LHPP: variants seen among roughly 807,000 people sequenced by gnomAD.
The protein encoded by LHPP is phospholysine phosphohistidine inorganic pyrophosphate phosphatase, also known as hLHPP.
Under a neutral mutation model 30.3 loss-of-function variants are expected in LHPP, and 24 were observed. The observed-to-expected ratio is 0.79, with a 90% confidence interval of 0.57 to 1.11. The LOEUF (loss-of-function observed/expected upper bound fraction) is 1.11, where lower values mean the gene tolerates loss of function less well. Among genes scored for constraint, LHPP ranks in the 50% most tolerant of loss-of-function variants. The pLI is 0.00. For synonymous variants in LHPP, 150 were observed against 157.1 expected, an observed-to-expected ratio of 0.95 and a Z score of 0.34; for missense variants, 356 against 367.2, an observed-to-expected ratio of 0.97 and a Z score of 0.25.
At chr10:124,561,642 C>A (rs913808095) in intron 6 of LHPP, among the ~76,000 whole-genome samples, 1 of 151,718 alleles carries the variant, frequency 6.6e-6, no homozygotes, top group Non-Finnish European at 1.5e-5. Flanking sequence ...GAGCACCTCC[C>A]CCACCTCAGT....
At chr10:124,468,903 A>T (rs988693982) in intron 1 of LHPP, among the ~76,000 whole-genome samples, 51 of 152,276 alleles carry the variant, frequency 3.3e-4, no homozygotes, top group African/African-American at 1.2e-3. Flanking sequence ...GTGGTGCAGG[A>T]AACGCCCCCT....
intron 6 of LHPP, among the ~76,000 whole-genome samples, chr10:124,524,037 T>C (rs1219895747): frequency 6.6e-6 from 1 of 152,132 alleles, no homozygotes; most frequent in Non-Finnish European, 1.5e-5. Context: ...CTGTACACTT[T>C]TTTCTTTTGT....
chr10:124,582,297 T>C (rs958484168), intron 6 of LHPP, among the ~76,000 whole-genome samples: 6 of 152,178 alleles, frequency 3.9e-5, no homozygotes, highest in Non-Finnish European at 8.8e-5. Flanking sequence ...TTGCTCAAGC[T>C]GGTCTCAAAC....
chr10:124,505,076 C>G (rs1954025978), intron 5 of LHPP, among the ~76,000 whole-genome samples: 1 of 152,132 alleles, frequency 6.6e-6, no homozygotes, highest in African/African-American at 2.4e-5. Context: ...CCCACATCAT[C>G]ATCCTCTCCT....
chr10:124,521,002 C>T (rs982982567), intron 6 of LHPP, among the ~76,000 whole-genome samples: 1 of 152,198 alleles, frequency 6.6e-6, no homozygotes, highest in Non-Finnish European at 1.5e-5. Context: ...AGAAAAGGTT[C>T]GCTGGCTTCT....
At chr10:124,564,466 C>A (rs1948458181) in intron 6 of LHPP, among the ~76,000 whole-genome samples, 1 of 151,066 alleles carries the variant, frequency 6.6e-6, no homozygotes, top group Non-Finnish European at 1.5e-5. Flanking sequence ...GGTGCCCAGG[C>A]TGGTCTTGAA....
intron 2 of LHPP, among the ~76,000 whole-genome samples, chr10:124,484,670 CAGAGAG>C (rs5788664): frequency 6.9e-4 from 100 of 144,238 alleles, no homozygotes; most frequent in East Asian, 1.8e-3. Flanking sequence ...GAGAAAGAGA[CAGAGAG>C]AGAGAGAGAG....
intron 6 of LHPP, among the ~76,000 whole-genome samples, chr10:124,607,783 TG>T (rs1380491809): frequency 6.6e-6 from 1 of 152,070 alleles, no homozygotes; most frequent in Non-Finnish European, 1.5e-5. Flanking sequence ...CTCACTGTTG[TG>T]GGGAGAAAAG....
rs958828217 is a variant in LHPP, at chr10:124,593,522, C to A, written c.717-19742C>A. 6.6e-6 allele frequency among the ~76,000 whole-genome samples: 1 copy of A among 152,188 alleles called. No homozygotes were observed. The highest frequency in any genetic ancestry group is 1.5e-5 in the Non-Finnish European group (1 of 68,030). The stretch of plus-strand genomic sequence containing the variant: ...ACACTGGGGTCCTTGTTCTAGCCCC[C>A]GTGTGTTGGCTGCATGACCCGAACT... On this transcript the variant is annotated intron_variant, in intron 6 of 6. Coordinates refer to ENST00000368842, the MANE Select transcript of LHPP (RefSeq NM_022126.4). This position sits in a 1 kb window ranked among gnomAD's most constrained non-coding sequence, Gnocchi z 4.9.
At chr10:124,580,435 TGTGTATATG>T (rs1948727980) in intron 6 of LHPP, among the ~76,000 whole-genome samples, 1 of 148,024 alleles carries the variant, frequency 6.8e-6, no homozygotes, top group Non-Finnish European at 1.5e-5. Flanking sequence ...GAATTTGACT[TGTGTATATG>T]GTGTGAGGTA....
At chr10:124,519,257 GAA>G (rs1339406702) in intron 6 of LHPP, among the ~76,000 whole-genome samples, 1 of 152,086 alleles carries the variant, frequency 6.6e-6, no homozygotes, top group Non-Finnish European at 1.5e-5. Context: ...CCCAGAGAGA[GAA>G]ACTCCATCAA....
At chr10:124,473,708 T>G (rs1952857958) in intron 1 of LHPP, among the ~76,000 whole-genome samples, 7 of 152,184 alleles carry the variant, frequency 4.6e-5, no homozygotes, top group Admixed American at 4.6e-4. Flanking sequence ...ATCCCAGCAC[T>G]TTGGGAGGCC....
chr10:124,521,499 G>A (rs1429730150), intron 6 of LHPP, among the ~76,000 whole-genome samples: 1 of 152,230 alleles, frequency 6.6e-6, no homozygotes, highest in Non-Finnish European at 1.5e-5. Flanking sequence ...CTCAACAGGG[G>A]CCAATGACCA....
intron 6 of LHPP, among the ~76,000 whole-genome samples, chr10:124,574,340 C>T (rs544630555): frequency 1.3e-5 from 2 of 152,310 alleles, no homozygotes; most frequent in East Asian, 1.9e-4. Flanking sequence ...TGCGAGGGCG[C>T]GCACGGATTC....
chr10:124,588,292 T>C (rs1948830764), intron 6 of LHPP, among the ~76,000 whole-genome samples: 1 of 140,366 alleles, frequency 7.1e-6, no homozygotes, highest in Admixed American at 6.9e-5. Flanking sequence ...TTTACTTTTT[T>C]CTCTTCTTTT....
chr10:124,558,276 T>G lies in LHPP; in HGVS notation c.716+41005T>G, dbSNP rs368897708. ...TGAGTGGACGTCCTCTAGCAGTTGT[T>G]CAGCCTCCCTGTCCCCAGCCAGCCA... On this transcript the variant is annotated intron_variant, in intron 6 of 6. Coordinates refer to ENST00000368842, the MANE Select transcript of LHPP (RefSeq NM_022126.4). Among the ~76,000 whole-genome samples, 11 of 152,304 alleles carry G rather than the reference T, an allele frequency of 7.2e-5. No homozygotes were observed. The East Asian group carries it at 2.1e-3, about 29-fold the overall frequency.
intron 6 of LHPP, among the ~76,000 whole-genome samples, chr10:124,607,077 A>G (rs10901785): frequency 0.28 from 43,156 of 151,648 alleles, 6,634 homozygotes; most frequent in Admixed American, 0.39. Flanking sequence ...CTCCTCCTCC[A>G]GCTCTGTCCC....
chr10:124,518,244 C>T (rs1028623309), intron 6 of LHPP, among the ~76,000 whole-genome samples: 1 of 152,238 alleles, frequency 6.6e-6, no homozygotes, highest in Non-Finnish European at 1.5e-5. Context: ...ACGTGTATGA[C>T]ATATGGGCCT....
chr10:124,487,473 C>T lies in LHPP; in HGVS notation c.314-949C>T, dbSNP rs146009914. Among the ~76,000 whole-genome samples the T allele has an allele frequency of 9.5e-3, 1,376 of 145,508 alleles. 24 individuals are homozygous for T. The highest frequency in any genetic ancestry group is 0.033 in the African/African-American group (1,302 of 39,838). ...TTTTTTTTTTTTTGAGACAGAGTCT[C>T]GCTCTGTTGCCCAGGCTGGAATACA... On this transcript the variant is annotated intron_variant, in intron 2 of 6. Transcript: ENST00000368842.
Sources: gnomAD v4.1 joint callset for allele counts (sites outside exome capture counted in the v4.1 genomes callset) on GRCh38, gnomAD v4.1.1 for gene constraint, Gnocchi (gnomAD v3.1) non-coding constraint, MANE v1.5 for transcripts, NCBI Gene and HGNC (gene_info 2026-07-23, HGNC 2026-07-21) for gene names.